The following PCDH7 variants were observed in gnomAD, a reference collection of about 807,000 sequenced individuals.
The protein encoded by PCDH7 is protocadherin 7, also known as protocadherin-7.
Under a neutral mutation model 58.9 loss-of-function variants are expected in PCDH7, and 17 were observed. That is an observed-to-expected ratio of 0.29 (90% CI 0.20 to 0.43). The LOEUF (loss-of-function observed/expected upper bound fraction) is 0.43, where lower values mean the gene tolerates loss of function less well. Among genes scored for constraint, PCDH7 ranks in the 20% least tolerant of loss-of-function variants. The pLI is 1.00. For missense variants in PCDH7, 1,274 were observed against 1,441.0 expected, an observed-to-expected ratio of 0.88 and a Z score of 1.88; for synonymous variants, 664 against 616.4, an observed-to-expected ratio of 1.08 and a Z score of -1.14.
intron 2 of PCDH7, among the ~76,000 whole-genome samples, chr4:30,924,888 T>C (rs545813727): frequency 6.6e-5 from 10 of 150,862 alleles, no homozygotes; most frequent in African/African-American, 2.4e-4. Context: ...ACCATAAAAA[T>C]AAATTAAAAA....
intron 1 of PCDH7, among the ~76,000 whole-genome samples, chr4:30,830,247 G>A (rs1729599784): frequency 1.3e-5 from 2 of 151,982 alleles, no homozygotes; most frequent in African/African-American, 4.8e-5. Flanking sequence ...ATGTTGTAGA[G>A]TTGAATCTTG....
intron 1 of PCDH7, among the ~76,000 whole-genome samples, chr4:30,789,959 CAGA>C (rs1723904105): frequency 1.3e-5 from 2 of 152,118 alleles, no homozygotes; most frequent in South Asian, 2.1e-4. Context: ...CTATCTACAG[CAGA>C]AGAACAGCTG....
intron 3 of PCDH7, among the ~76,000 whole-genome samples, chr4:31,068,322 T>G (rs1039474336): frequency 6.6e-6 from 1 of 151,312 alleles, no homozygotes; most frequent in Non-Finnish European, 1.5e-5. Flanking sequence ...AAAAAGTCTT[T>G]AATAAAAAAG....
At chr4:31,113,831 CTTTTTT>C in intron 3 of PCDH7, among the ~76,000 whole-genome samples, 1 of 107,496 alleles carries the variant, frequency 9.3e-6, no homozygotes, top group Non-Finnish European at 1.8e-5. Context: ...GTTAACCTTT[CTTTTTT>C]TTTTTTTTTT....
intron 1 of PCDH7, among the ~76,000 whole-genome samples, chr4:30,800,114 TC>T (rs772785611): frequency 9.9e-5 from 15 of 151,900 alleles, no homozygotes; most frequent in Non-Finnish European, 1.9e-4. Flanking sequence ...CACCTTGGCC[TC>T]CCAAAGTGCT....
At chr4:31,138,379 C>G (rs1489651079) in intron 3 of PCDH7, among the ~76,000 whole-genome samples, 1 of 152,168 alleles carries the variant, frequency 6.6e-6, no homozygotes, top group Non-Finnish European at 1.5e-5. Flanking sequence ...TCTGTGACAT[C>G]TATTTCCTGT....
intron 1 of PCDH7, among the ~76,000 whole-genome samples, chr4:30,863,043 C>T (rs545284287): frequency 6.8e-4 from 103 of 152,194 alleles, no homozygotes; most frequent in African/African-American, 2.4e-3. Flanking sequence ...GTCTGGACAG[C>T]TTTGGCATTA....
chr4:30,761,308 T>C lies in PCDH7; in HGVS notation c.70+36712T>C, dbSNP rs1411531896. On this transcript the variant is annotated intron_variant, in intron 1 of 3. Transcript: ENST00000509759. The stretch of plus-strand genomic sequence containing the variant: ...GAGCTTTCACTTTTACAAAGTACAC[T>C]GGGCTCTTCTTATGAAAATACTCTA... 3.3e-5 allele frequency among the ~76,000 whole-genome samples: 5 copies of C among 152,356 alleles called. No individual in the cohort carries two copies. In the East Asian group the frequency reaches 9.6e-4, roughly 29 times the overall value.
At chr4:31,004,223 C>G (rs922345536) in intron 3 of PCDH7, among the ~76,000 whole-genome samples, 3 of 152,084 alleles carry the variant, frequency 2.0e-5, no homozygotes, top group African/African-American at 7.2e-5. Flanking sequence ...CCACGTGCCG[C>G]TTTCTGCTAA....
At chr4:30,895,626 A>AT (rs34462254) in intron 1 of PCDH7, among the ~76,000 whole-genome samples, 2 of 151,828 alleles carry the variant, frequency 1.3e-5, no homozygotes, top group South Asian at 2.1e-4. Context: ...GCAGGACATT[A>AT]TTTTTTTTCA....
chr4:30,880,422 T>C lies in PCDH7; in HGVS notation c.71-39731T>C, dbSNP rs535722573. Among the ~76,000 whole-genome samples the C allele has an allele frequency of 2.0e-5, 3 of 152,260 alleles. No homozygotes were observed. The East Asian group carries it at 5.8e-4, about 29-fold the overall frequency. On this transcript the variant is annotated intron_variant, in intron 1 of 3. Coordinates refer to the PCDH7 transcript ENST00000509759. ...GTTAAAGCAGTATGTAGAATATGTGTAACTGTTGTGGGACACAGAGGTATC... is the reference window on the plus strand; with the variant it reads ...GTTAAAGCAGTATGTAGAATATGTGCAACTGTTGTGGGACACAGAGGTATC...
chr4:30,812,912 C>A (rs1373180081), intron 1 of PCDH7, among the ~76,000 whole-genome samples: 1 of 152,098 alleles, frequency 6.6e-6, no homozygotes, highest in Non-Finnish European at 1.5e-5. Flanking sequence ...TATAATCAGG[C>A]CTTTAATTAG....
At chr4:31,104,488 G>T (rs1266559369) in intron 3 of PCDH7, among the ~76,000 whole-genome samples, 1 of 152,146 alleles carries the variant, frequency 6.6e-6, no homozygotes, top group African/African-American at 2.4e-5. Context: ...TCAATGCTTA[G>T]TGCTTCTTGC....
rs527382474 is a variant in PCDH7, at chr4:30,993,882, G to A, written c.*7+43667G>A. 1.2e-4 allele frequency among the ~76,000 whole-genome samples: 19 copies of A among 152,176 alleles called. No individual in the cohort carries two copies. In the South Asian group the frequency reaches 3.9e-3, roughly 32 times the overall value. ...ACTAAATGTTTAGAAGAGAGAGTGTGTCTGTGTGGGTATAAATTCACAGTT... is the reference window on the plus strand; with the variant it reads ...ACTAAATGTTTAGAAGAGAGAGTGTATCTGTGTGGGTATAAATTCACAGTT... On this transcript the variant is annotated intron_variant, in intron 3 of 3. Coordinates refer to the PCDH7 transcript ENST00000509759.
chr4:30,814,217 G>T (rs189431392), intron 1 of PCDH7, among the ~76,000 whole-genome samples: 1 of 151,868 alleles, frequency 6.6e-6, no homozygotes, highest in South Asian at 2.1e-4. Context: ...GTGTGTGTGT[G>T]TATATATATG....
At chr4:31,078,463 C>CTTT (rs1759187170) in intron 3 of PCDH7, among the ~76,000 whole-genome samples, 1 of 150,946 alleles carries the variant, frequency 6.6e-6, no homozygotes, top group African/African-American at 2.4e-5. Context: ...TTTTTTTCTT[C>CTTT]CTTTCTTTCT....
intron 1 of PCDH7, among the ~76,000 whole-genome samples, chr4:30,771,072 T>A (rs556417100): frequency 6.6e-6 from 1 of 152,304 alleles, no homozygotes; most frequent in African/African-American, 2.4e-5. Context: ...GAGCTAACAT[T>A]TCCTTGATAA....
At chr4:30,928,237 C>CA (rs1744136921) in intron 2 of PCDH7, among the ~76,000 whole-genome samples, 1 of 152,202 alleles carries the variant, frequency 6.6e-6, no homozygotes, top group Admixed American at 6.5e-5. Context: ...TTAGTACTCT[C>CA]AACCTCAGAG....
In PCDH7 at chr4:30,806,368, A is replaced by G. The variant is rs192744367; in HGVS notation, c.70+81772A>G. 3.3e-3 allele frequency among the ~76,000 whole-genome samples: 500 copies of G among 151,942 alleles called. 3 individuals are homozygous for G. Among genetic ancestry groups the G allele is most frequent in the African/African-American group, 0.011 (474 of 41,450 alleles). ...CACCCAGGCTGGAGTGCAGTTGCAC[A>G]ATCTTGGCTCACTGCAACCTCTGCC... On this transcript the variant is annotated intron_variant, in intron 1 of 3. Transcript: ENST00000509759.
Sources: allele counts gnomAD v4.1 joint callset (sites outside exome capture counted in the v4.1 genomes callset), GRCh38; gene constraint gnomAD v4.1.1; transcripts MANE v1.5; gene names NCBI Gene and HGNC (gene_info 2026-07-23, HGNC 2026-07-21).